SUGCT: variants seen among roughly 807,000 people sequenced by gnomAD.
The protein encoded by SUGCT is succinyl-CoA:glutarate-CoA transferase.
In SUGCT, 41 loss-of-function variants were observed where a neutral mutation model predicts 55.0. The ratio of observed to expected loss-of-function variants is 0.74; its 90% CI spans 0.58 to 0.97. The LOEUF (loss-of-function observed/expected upper bound fraction) is 0.97, where lower values mean the gene tolerates loss of function less well. SUGCT is among the 50% of genes least tolerant of loss of function. The pLI is 0.00. For synonymous variants in SUGCT, 187 were observed against 200.4 expected (o/e 0.93, Z 0.56); for missense variants, 568 against 547.8 (o/e 1.04, Z -0.37).
intron 7 of SUGCT, among the ~76,000 whole-genome samples, chr7:40,250,863 G>T (rs375081052): frequency 7.1e-6 from 1 of 140,308 alleles, no homozygotes; most frequent in African/African-American, 2.7e-5. Flanking sequence ...TTAAGACGGG[G>T]TCTCACCCTT....
chr7:40,949,348 G>A, the SUGCT span, among the ~76,000 whole-genome samples: 1 of 152,078 alleles, frequency 6.6e-6, no homozygotes, highest in Non-Finnish European at 1.5e-5. Context: ...GTAGATTCTG[G>A]ATATTAGCCC....
chr7:40,823,727 G>A (rs1792152871), intron 13 of SUGCT, among the ~76,000 whole-genome samples: 1 of 151,938 alleles, frequency 6.6e-6, no homozygotes, highest in Non-Finnish European at 1.5e-5. Flanking sequence ...ATGAAAAAAA[G>A]TATTTGAAAA....
chr7:40,201,040 C>T (rs1322147462), intron 6 of SUGCT, among the ~76,000 whole-genome samples: 4 of 151,918 alleles, frequency 2.6e-5, no homozygotes, highest in South Asian at 4.2e-4. Context: ...TTCTTATTTT[C>T]GGCATATTCA....
intron 8 of SUGCT, among the ~76,000 whole-genome samples, chr7:40,302,285 C>T (rs552137820): frequency 7.9e-5 from 12 of 151,928 alleles, no homozygotes; most frequent in Non-Finnish European, 1.6e-4. Context: ...TTTTTTTGTC[C>T]CCTCCTTGGT....
At chr7:40,238,271 A>G (rs886697341) in intron 7 of SUGCT, among the ~76,000 whole-genome samples, 7 of 152,174 alleles carry the variant, frequency 4.6e-5, no homozygotes, top group Non-Finnish European at 1.0e-4. Context: ...CATGTGCCTT[A>G]GATTCTGACA....
intron 12 of SUGCT, among the ~76,000 whole-genome samples, chr7:40,697,563 G>A (rs894302651): frequency 8.5e-5 from 13 of 152,130 alleles, no homozygotes; most frequent in Admixed American, 2.6e-4. Flanking sequence ...ACTTGAACCC[G>A]GGAGGCGGAG....
chr7:40,703,417 G>C (rs1785255127), intron 12 of SUGCT, among the ~76,000 whole-genome samples: 1 of 152,106 alleles, frequency 6.6e-6, no homozygotes, highest in African/African-American at 2.4e-5. Flanking sequence ...CATCCCCACA[G>C]AATGTGATTC....
chr7:40,601,312 C>G (rs1285945897), intron 12 of SUGCT, among the ~76,000 whole-genome samples: 2 of 152,194 alleles, frequency 1.3e-5, no homozygotes, highest in East Asian at 3.8e-4. Context: ...GTTCCTAGCT[C>G]ATTTGATTGG....
chr7:40,596,354 C>G (rs928933796), intron 12 of SUGCT, among the ~76,000 whole-genome samples: 1 of 152,014 alleles, frequency 6.6e-6, no homozygotes, highest in Non-Finnish European at 1.5e-5. Context: ...TTGGTACTAC[C>G]GATATTAAAA....
At chr7:40,793,644 TA>T (rs1211092100) in intron 13 of SUGCT, among the ~76,000 whole-genome samples, 1 of 152,162 alleles carries the variant, frequency 6.6e-6, no homozygotes, top group Middle Eastern at 3.2e-3. Context: ...GATTTATTTA[TA>T]TTTTTATTAT....
intron 13 of SUGCT, among the ~76,000 whole-genome samples, chr7:40,799,901 A>G (rs1469540885): frequency 2.0e-5 from 3 of 152,186 alleles, no homozygotes; most frequent in African/African-American, 7.2e-5. Flanking sequence ...GAAGCCAGGT[A>G]ACAAATTTTG....
At chr7:40,663,903 C>T (rs1370273466) in intron 12 of SUGCT, among the ~76,000 whole-genome samples, 1 of 152,118 alleles carries the variant, frequency 6.6e-6, no homozygotes, top group Non-Finnish European at 1.5e-5. Context: ...ATCCCTAATA[C>T]CTCAGAATAT....
chr7:40,820,498 T>C (rs1584487556), intron 13 of SUGCT, among the ~76,000 whole-genome samples: 1 of 152,202 alleles, frequency 6.6e-6, no homozygotes, highest in Non-Finnish European at 1.5e-5. Context: ...GTAAGTTGGA[T>C]TCCTAGGTAC....
At chr7:40,439,606 G>T (rs907911577) in intron 9 of SUGCT, among the ~76,000 whole-genome samples, 1 of 152,076 alleles carries the variant, frequency 6.6e-6, no homozygotes, top group East Asian at 1.9e-4. Context: ...CCGGTGCTAC[G>T]CCACTGTCTT....
the SUGCT span, among the ~76,000 whole-genome samples, chr7:41,009,606 T>C: frequency 6.6e-6 from 1 of 151,562 alleles, no homozygotes; most frequent in Non-Finnish European, 1.5e-5. Flanking sequence ...CTACCATCCA[T>C]CCTTCCTTCC....
chr7:40,779,180 T>A (rs575967764), intron 13 of SUGCT, among the ~76,000 whole-genome samples: 1 of 152,240 alleles, frequency 6.6e-6, no homozygotes, highest in South Asian at 2.1e-4. Context: ...GGGAATCAAC[T>A]CCCCTCAATG....
At chr7:40,326,452 T>C (rs577691742) in intron 9 of SUGCT, among the ~76,000 whole-genome samples, 1 of 152,150 alleles carries the variant, frequency 6.6e-6, no homozygotes, top group Non-Finnish European at 1.5e-5. Context: ...CATAGAAGCT[T>C]AGGGGCAGAG....
intron 8 of SUGCT, among the ~76,000 whole-genome samples, chr7:40,296,981 T>C (rs751564287): frequency 2.0e-5 from 3 of 152,182 alleles, no homozygotes; most frequent in Non-Finnish European, 2.9e-5. Context: ...ATTCACTAAA[T>C]GGGAATAATA....
chr7:40,235,431 G>T (rs1257495682), intron 6 of SUGCT, among the ~76,000 whole-genome samples: 1 of 152,052 alleles, frequency 6.6e-6, no homozygotes, highest in South Asian at 2.1e-4. Context: ...GGGTTCAAGC[G>T]ATTCTCCTGT....
Sources: allele counts gnomAD v4.1 joint callset (sites outside exome capture counted in the v4.1 genomes callset), GRCh38; gene constraint gnomAD v4.1.1; transcripts MANE v1.5; gene names NCBI Gene and HGNC (gene_info 2026-07-23, HGNC 2026-07-21).